Variants in PLA2G4A observed in about 807,000 individuals in gnomAD.
PLA2G4A encodes phospholipase A2 group IVA, also known as cytosolic phospholipase A2.
Under a neutral mutation model 81.9 loss-of-function variants are expected in PLA2G4A, and 40 were observed. The ratio of observed to expected loss-of-function variants is 0.49; its 90% CI spans 0.38 to 0.64. The LOEUF (loss-of-function observed/expected upper bound fraction) is 0.64. Ranked by LOEUF, PLA2G4A falls within the 30% of genes least tolerant of loss-of-function variation. The pLI, the probability that PLA2G4A is intolerant of heterozygous loss-of-function variation, is 0.00. For missense variants in PLA2G4A, 715 were observed against 905.1 expected (o/e 0.79, Z 2.69); for synonymous variants, 302 against 296.9 (o/e 1.02, Z -0.18).
chr1:186,921,619 C>G (rs1396978899), intron 7 of PLA2G4A, among the ~76,000 whole-genome samples: 1 of 152,058 alleles, frequency 6.6e-6, no homozygotes, highest in Non-Finnish European at 1.5e-5. Context: ...TCTGTGTGAT[C>G]TAGGGGTGTG....
At chr1:186,883,423 G>C (rs1280146528) in intron 3 of PLA2G4A, among the ~76,000 whole-genome samples, 1 of 152,082 alleles carries the variant, frequency 6.6e-6, no homozygotes, top group Non-Finnish European at 1.5e-5. Flanking sequence ...TAAAGGATCT[G>C]AGATTAACTA....
chr1:186,947,614 G>A (rs10911967), intron 12 of PLA2G4A, among the ~76,000 whole-genome samples: 82,404 of 151,998 alleles, frequency 0.54, 22,719 homozygotes, highest in East Asian at 0.65. Context: ...TTGACTTAAA[G>A]CAAACAAAAA....
At chr1:186,861,992 A>T (rs1652819499) in intron 2 of PLA2G4A, among the ~76,000 whole-genome samples, 1 of 149,350 alleles carries the variant, frequency 6.7e-6, no homozygotes, top group Admixed American at 6.7e-5. Flanking sequence ...ATATAATTAT[A>T]TACCAATGTA....
chr1:186,947,012 G>T, intron 12 of PLA2G4A, 51 bp downstream of exon 12: 2 of 964,122 alleles, frequency 2.1e-6, no homozygotes, highest in Non-Finnish European at 3.4e-6. Flanking sequence ...CATTGATAAA[G>T]TTTATTGACA....
chr1:186,926,775 C>T (rs1655564950), intron 7 of PLA2G4A, among the ~76,000 whole-genome samples: 1 of 152,134 alleles, frequency 6.6e-6, no homozygotes, highest in Admixed American at 6.5e-5. Flanking sequence ...GATAATGTCT[C>T]CTGTTGTGGC....
chr1:186,906,526 A>T (rs1264218497), intron 5 of PLA2G4A, among the ~76,000 whole-genome samples: 2 of 152,194 alleles, frequency 1.3e-5, no homozygotes, highest in East Asian at 3.8e-4. Flanking sequence ...TCTCAATTAT[A>T]CATGTGTGAA....
At chr1:186,842,409 A>T (rs1335109752) in intron 1 of PLA2G4A, among the ~76,000 whole-genome samples, 1 of 151,712 alleles carries the variant, frequency 6.6e-6, no homozygotes. Flanking sequence ...CTACAGCACC[A>T]CTTTTCTCCA....
chr1:186,924,057 C>T (rs1360070816), intron 7 of PLA2G4A, among the ~76,000 whole-genome samples: 1 of 152,172 alleles, frequency 6.6e-6, no homozygotes, highest in Non-Finnish European at 1.5e-5. Flanking sequence ...TGCAGATACC[C>T]ATCAGATATG....
chr1:186,867,189 G>T (rs1341540535), intron 2 of PLA2G4A, among the ~76,000 whole-genome samples: 9 of 151,772 alleles, frequency 5.9e-5, no homozygotes. Context: ...ACTATTCTGG[G>T]TCTTTTGCCT....
chr1:186,977,812 C>T (rs1248544030), intron 16 of PLA2G4A, 24 bp downstream of exon 16: 3 of 1,475,560 alleles, frequency 2.0e-6, no homozygotes, highest in Non-Finnish European at 2.8e-6. Flanking sequence ...AAGCTGTATT[C>T]CATAAAATAG....
At chr1:186,861,507 G>A (rs1227372924) in intron 2 of PLA2G4A, among the ~76,000 whole-genome samples, 4 of 151,970 alleles carry the variant, frequency 2.6e-5, no homozygotes, top group Non-Finnish European at 4.4e-5. Flanking sequence ...AAAAAACATT[G>A]TCCAGTTTAT....
chr1:186,976,193 C>A (rs2102293421), intron 15 of PLA2G4A, among the ~76,000 whole-genome samples: 1 of 152,278 alleles, frequency 6.6e-6, no homozygotes, highest in South Asian at 2.1e-4. Context: ...ACTGTTATGT[C>A]CCCACTTCTA....
chr1:186,938,334 G>A (rs1656027345), intron 8 of PLA2G4A, among the ~76,000 whole-genome samples: 1 of 152,058 alleles, frequency 6.6e-6, no homozygotes, highest in African/African-American at 2.4e-5. Flanking sequence ...CAAGGCTCAT[G>A]GTGATTTCCA....
At chr1:186,897,613 A>G (rs1313920587) in intron 5 of PLA2G4A, among the ~76,000 whole-genome samples, 1 of 152,112 alleles carries the variant, frequency 6.6e-6, no homozygotes, top group African/African-American at 2.4e-5. Flanking sequence ...AGTTCAAGCC[A>G]TTCCCGTGTC....
At chr1:186,878,513 T>C (rs946313014) in intron 3 of PLA2G4A, among the ~76,000 whole-genome samples, 1 of 151,624 alleles carries the variant, frequency 6.6e-6, no homozygotes, top group South Asian at 2.1e-4. Flanking sequence ...AATGGTCTTT[T>C]CATGGAAGAT....
chr1:186,842,450 C>A (rs909189122), intron 1 of PLA2G4A, among the ~76,000 whole-genome samples: 21 of 152,276 alleles, frequency 1.4e-4, no homozygotes, highest in Admixed American at 1.0e-3. Context: ...TGTTTAACTG[C>A]TGTGTTTATG....
intron 8 of PLA2G4A, among the ~76,000 whole-genome samples, chr1:186,935,301 A>C (rs191513898): frequency 7.2e-4 from 109 of 152,070 alleles, no homozygotes; most frequent in Non-Finnish European, 1.4e-3. Context: ...AAATAGGCAT[A>C]TGAACCTCAT....
intron 4 of PLA2G4A, 98 bp downstream of exon 4, chr1:186,893,257 T>G: frequency 2.0e-6 from 2 of 995,360 alleles, no homozygotes; most frequent in Non-Finnish European, 3.2e-6. Context: ...CTGTTAGCTA[T>G]AGTTGGAGTT....
chr1:186,922,512 T>G (rs950476303), intron 7 of PLA2G4A, among the ~76,000 whole-genome samples: 1 of 152,126 alleles, frequency 6.6e-6, no homozygotes, highest in Non-Finnish European at 1.5e-5. Context: ...GGTGAGGCAT[T>G]CCACTGGGGC....
Sources: allele counts gnomAD v4.1 joint callset (sites outside exome capture counted in the v4.1 genomes callset), GRCh38; gene constraint gnomAD v4.1.1; transcripts MANE v1.5; gene names NCBI Gene and HGNC (gene_info 2026-07-23, HGNC 2026-07-21).